Variants in ACTL6A observed in about 807,000 individuals in gnomAD.
ACTL6A encodes the protein actin like 6A.
Under a neutral mutation model 59.2 loss-of-function variants are expected in ACTL6A, and 5 were observed. That is an observed-to-expected ratio of 0.08 (90% confidence interval 0.04 to 0.18). ACTL6A has a LOEUF of 0.18. ACTL6A is among the 10% of genes least tolerant of loss of function. The pLI is 1.00. For synonymous variants in ACTL6A, 154 were observed against 171.8 expected, an observed-to-expected ratio of 0.90 and a Z score of 0.81; for missense variants, 285 against 526.9, an observed-to-expected ratio of 0.54 and a Z score of 4.49.
intron 1 of ACTL6A, among the ~76,000 whole-genome samples, chr3:179,564,885 C>CTT (rs550795606): frequency 1.2e-3 from 152 of 129,464 alleles, no homozygotes; most frequent in African/African-American, 3.6e-3. Context: ...TGGAATATGT[C>CTT]TTTTTTTTTT....
chr3:179,572,086 G>C (rs1219619582), intron 3 of ACTL6A, among the ~76,000 whole-genome samples: 3 of 152,170 alleles, frequency 2.0e-5, no homozygotes, highest in African/African-American at 7.2e-5. Context: ...AAGATTTTAA[G>C]ACATGGAGTT....
At chr3:179,566,920 A>G (rs1029010404) in intron 1 of ACTL6A, among the ~76,000 whole-genome samples, 1 of 150,356 alleles carries the variant, frequency 6.7e-6, no homozygotes, top group African/African-American at 2.4e-5. Flanking sequence ...TGATCTCCTG[A>G]CCTCGTAATC....
Position 179,576,656 on chromosome 3 carries a change from C to T in ACTL6A, c.608C>T (p.Thr203Ile). The T allele has an allele frequency of 6.2e-7, 1 of 1,613,808 alleles. No individual in the cohort carries two copies. The highest frequency in any genetic ancestry group is 8.5e-7 in the Non-Finnish European group (1 of 1,179,780). ...TCCCCTCTTGCTGGAGACTTTATTA[C>T]TATGCAGTGCAGAGAACTCTTCCAA... The part of the protein sequence containing the change: ...VKSPLAGDFI[T>I]MQCRELFQEM... The change falls in exon 7 of 14, where the codon ACT becomes ATT. Residue 203 changes from threonine to isoleucine, a missense_variant. Coordinates refer to ENST00000429709, the MANE Select transcript of ACTL6A (RefSeq NM_004301.5).
In ACTL6A at chr3:179,578,860, G is replaced by A. The variant is rs559889869; in HGVS notation, c.769-1780G>A. On this transcript the variant is annotated intron_variant, in intron 8 of 13. Transcript: ENST00000429709. Reference sequence around the variant, plus strand: ...GGCTCACTGCAACCTCCATCTCCTGGGTTCAAGCAATTCTCCTACCTCAGC... The same window carrying A: ...GGCTCACTGCAACCTCCATCTCCTGAGTTCAAGCAATTCTCCTACCTCAGC... Among the ~76,000 whole-genome samples, 164 of 152,176 alleles carry A rather than the reference G, an allele frequency of 1.1e-3. 1 individual carries two copies. Among genetic ancestry groups the A allele is most frequent in the African/African-American group, 3.9e-3 (160 of 41,530 alleles).
chr3:179,575,624 T>C (rs1718144964), intron 5 of ACTL6A: 1 of 362,122 alleles, frequency 2.8e-6, no homozygotes, highest in Admixed American at 3.8e-5. Context: ...TAAACATCAG[T>C]TTAGTATATT....
chr3:179,569,783 T>C, intron 1 of ACTL6A, 41 bp from the exon 2 acceptor site: 2 of 1,574,724 alleles, frequency 1.3e-6, no homozygotes, highest in Non-Finnish European at 1.7e-6. Context: ...CATATGATAC[T>C]TTTGCAAGCT....
At chr3:179,568,545 G>A (rs1462279337) in intron 1 of ACTL6A, among the ~76,000 whole-genome samples, 3 of 146,098 alleles carry the variant, frequency 2.1e-5, no homozygotes, top group South Asian at 2.1e-4. Context: ...TTTTTGAGAC[G>A]TGTGTGTGTG....
At chr3:179,582,275 C>T (rs1382534517) in intron 11 of ACTL6A, among the ~76,000 whole-genome samples, 1 of 152,150 alleles carries the variant, frequency 6.6e-6, no homozygotes, top group Non-Finnish European at 1.5e-5. Flanking sequence ...TAATGAGATA[C>T]TTTTGCATTC....
chr3:179,563,353 C>T (rs1717727966), intron 1 of ACTL6A, among the ~76,000 whole-genome samples: 1 of 152,178 alleles, frequency 6.6e-6, no homozygotes, highest in South Asian at 2.1e-4. Flanking sequence ...GCCTCTGTCC[C>T]CGGAGGAGCA....
intron 5 of ACTL6A, 52 bp downstream of exon 5, chr3:179,574,519 G>T (rs554904534): frequency 1.6e-6 from 2 of 1,247,066 alleles, no homozygotes; most frequent in East Asian, 2.3e-5. Flanking sequence ...CGATACTAAT[G>T]AATATGATAA....
chr3:179,576,459 A>G, intron 6 of ACTL6A, 148 bp downstream of exon 6: 1 of 780,476 alleles, frequency 1.3e-6, no homozygotes, highest in Non-Finnish European at 2.0e-6. Context: ...TTAGTATATA[A>G]TGTATATTTA....
chr3:179,587,108 CCTT>C (rs1718519158), intron 13 of ACTL6A, among the ~76,000 whole-genome samples: 1 of 152,034 alleles, frequency 6.6e-6, no homozygotes, highest in African/African-American at 2.4e-5. Context: ...GACAAAAAGT[CCTT>C]GTACTTTTCT....
rs906104853 is a variant in ACTL6A, at chr3:179,586,331, T to C, written c.1123-215T>C. Among the ~76,000 whole-genome samples the C allele has an allele frequency of 2.6e-5, 4 of 150,950 alleles. No individual in the cohort carries two copies. In the South Asian group the frequency reaches 8.6e-4, roughly 32 times the overall value. On this transcript the variant is annotated intron_variant, in intron 12 of 13. Transcript: ENST00000429709. ...GGAGCCATTATGAAGTCTGTCAAAA[T>C]TGAATTTCCTGGCTGGGTGCAAGTG...
At chr3:179,574,227 T>C (rs533890646) in intron 4 of ACTL6A, 143 bp from the exon 5 acceptor site, 2 of 454,232 alleles carry the variant, frequency 4.4e-6, no homozygotes, top group East Asian at 3.2e-5. Context: ...TTTTATGAGA[T>C]ATTATGAAAG....
chr3:179,579,782 C>CT (rs1718280095), intron 8 of ACTL6A, among the ~76,000 whole-genome samples: 1 of 152,096 alleles, frequency 6.6e-6, no homozygotes, highest in South Asian at 2.1e-4. Context: ...GAGCAAGACT[C>CT]TGTCTCAAAA....
At chr3:179,565,238 A>G (rs1278365680) in intron 1 of ACTL6A, among the ~76,000 whole-genome samples, 1 of 151,580 alleles carries the variant, frequency 6.6e-6, no homozygotes, top group Non-Finnish European at 1.5e-5. Flanking sequence ...GGAGTTCAAG[A>G]CCAGCTTGGC....
intron 13 of ACTL6A, 118 bp from the exon 14 acceptor site, chr3:179,587,812 G>A (rs1197598806): frequency 7.1e-6 from 5 of 703,352 alleles, no homozygotes; most frequent in Non-Finnish European, 1.2e-5. Flanking sequence ...CTACAATCAC[G>A]CCATTGCACT....
At chr3:179,576,064 C>A (rs1483263249) in intron 5 of ACTL6A, among the ~76,000 whole-genome samples, 153 bp from the exon 6 acceptor site, 1 of 152,130 alleles carries the variant, frequency 6.6e-6, no homozygotes, top group Non-Finnish European at 1.5e-5. Context: ...TTATTTTATA[C>A]CAATTTTTAT....
chr3:179,568,174 C>CAA (rs770514808), intron 1 of ACTL6A, among the ~76,000 whole-genome samples: 9 of 56,328 alleles, frequency 1.6e-4, no homozygotes, highest in African/African-American at 2.8e-4. Context: ...GACTCCGTGT[C>CAA]AAAAAAAAAA....
Sources: allele counts gnomAD v4.1 joint callset (sites outside exome capture counted in the v4.1 genomes callset), GRCh38; gene constraint gnomAD v4.1.1; transcripts MANE v1.5; gene names NCBI Gene and HGNC (gene_info 2026-07-23, HGNC 2026-07-21).